MLANA: variants seen among roughly 807,000 people sequenced by gnomAD.
The protein encoded by MLANA is melan-A.
MLANA carries 21 observed loss-of-function variants against 15.7 expected under a neutral mutation model. That is an observed-to-expected ratio of 1.33 (90% CI 0.95 to 1.92). MLANA has a LOEUF of 1.92. Ranked by LOEUF, MLANA falls within the 40% of genes most tolerant of loss-of-function variation. MLANA has a pLI of 0.00. For missense variants in MLANA, 164 were observed against 143.8 expected, an observed-to-expected ratio of 1.14 and a Z score of -0.72; for synonymous variants, 56 against 51.5, an observed-to-expected ratio of 1.09 and a Z score of -0.37.
At chr9:5,904,775 T>C (rs1337562122) in intron 3 of MLANA, among the ~76,000 whole-genome samples, 8 of 146,846 alleles carry the variant, frequency 5.4e-5, no homozygotes, top group Admixed American at 5.4e-4. Flanking sequence ...CAGTTACACT[T>C]CTTTTTTTTT....
chr9:5,896,159 G>A (rs1055264931), intron 2 of MLANA, among the ~76,000 whole-genome samples: 1 of 152,158 alleles, frequency 6.6e-6, no homozygotes, highest in Non-Finnish European at 1.5e-5. Flanking sequence ...CCACTTGCTG[G>A]TTGTGCAGCC....
chr9:5,908,853 G>A lies in MLANA; in HGVS notation c.*145G>A, dbSNP rs947437786. The A allele has an allele frequency of 2.9e-6, 2 of 681,838 alleles. No homozygotes were observed. Among genetic ancestry groups the A allele is most frequent in the African/African-American group, 1.8e-5 (1 of 55,482 alleles). 42.2% of individuals were successfully genotyped at this position (681,838 alleles called of 1,614,324 possible). Reference sequence around the variant, plus strand: ...ATAATAAGTCAGTGTTAAAATTTTAGTAGGTCCGCTAGCAGTACTAATCAT... The same window carrying A: ...ATAATAAGTCAGTGTTAAAATTTTAATAGGTCCGCTAGCAGTACTAATCAT... On this transcript the variant is annotated 3_prime_UTR_variant, in exon 5 of 5. Transcript: ENST00000381477.
At chr9:5,906,583 G>A (rs1345159601) in intron 3 of MLANA, among the ~76,000 whole-genome samples, 2 of 152,140 alleles carry the variant, frequency 1.3e-5, no homozygotes, top group Non-Finnish European at 2.9e-5. Flanking sequence ...TCCTTTTGTA[G>A]ATTCACTCTT....
Position 5,908,664 on chromosome 9 carries a change from G to A in MLANA, c.313G>A (p.Glu105Lys), listed in dbSNP as rs1174481694. 1.2e-6 allele frequency: 2 copies of A among 1,614,054 alleles called. No individual in the cohort carries two copies. Among genetic ancestry groups the A allele is most frequent in the South Asian group, 2.2e-5 (2 of 91,072 alleles). ...PVVPNAPPAY[E>K]KLSAEQSPPP... ...GGTTCCCAATGCTCCACCTGCTTAT[G>A]AGAAACTCTCTGCAGAACAGTCACC... Residue 105 changes from glutamate to lysine, a missense_variant, in exon 5 of 5, where the codon GAG becomes AAG. By Grantham distance (56) the Glu-to-Lys change is moderately conservative. Coordinates refer to ENST00000381477, the MANE Select transcript of MLANA (RefSeq NM_005511.2).
chr9:5,904,030 G>T (rs146614541), intron 3 of MLANA, among the ~76,000 whole-genome samples: 1 of 152,136 alleles, frequency 6.6e-6, no homozygotes, highest in East Asian at 1.9e-4. Flanking sequence ...GCTAAGTTTT[G>T]TATTTTTAGC....
At chr9:5,897,890 C>G (rs534944680) in intron 3 of MLANA, among the ~76,000 whole-genome samples, 3 of 152,110 alleles carry the variant, frequency 2.0e-5, no homozygotes, top group Non-Finnish European at 4.4e-5. Context: ...TAACATAATA[C>G]GAGAGACTGT....
At chr9:5,903,185 C>CA (rs552759031) in intron 3 of MLANA, among the ~76,000 whole-genome samples, 107 of 152,244 alleles carry the variant, frequency 7.0e-4, no homozygotes, top group African/African-American at 2.5e-3. Context: ...AGTCTAAGTG[C>CA]AAACATGGTA....
At position 5,894,835 on chromosome 9, in the gene MLANA, C is replaced by G. The variant is rs1586920917; in HGVS notation, c.77+2284C>G. On this transcript the variant is annotated intron_variant, in intron 2 of 4. Transcript: ENST00000381477. The surrounding 1 kb of genome is among the most constrained non-coding windows in gnomAD (Gnocchi z 4.0). Reference sequence around the variant, plus strand: ...GAAGTGGCATTTGCAGAGTCCAGTCCCAGCATCACAGAGCAGAGCATAGAA... The same window carrying G: ...GAAGTGGCATTTGCAGAGTCCAGTCGCAGCATCACAGAGCAGAGCATAGAA... 1.3e-5 allele frequency among the ~76,000 whole-genome samples: 2 copies of G among 152,214 alleles called. No individual in the cohort carries two copies. Among genetic ancestry groups the G allele is most frequent in the South Asian group, 4.1e-4 (2 of 4,824 alleles).
At chr9:5,902,205 G>A (rs1832476192) in intron 3 of MLANA, among the ~76,000 whole-genome samples, 1 of 151,188 alleles carries the variant, frequency 6.6e-6, no homozygotes, top group Non-Finnish European at 1.5e-5. Flanking sequence ...CTCTTCAGAT[G>A]GTCTAGTTCT....
intron 3 of MLANA, 44 bp from the exon 4 acceptor site, chr9:5,906,841 G>T: frequency 1.6e-6 from 2 of 1,283,798 alleles, no homozygotes; most frequent in Non-Finnish European, 2.1e-6. Flanking sequence ...AATGGATTCA[G>T]TTACTTCTTC....
chr9:5,892,684 A>G (rs1007896897), intron 2 of MLANA, 133 bp downstream of exon 2: 1 of 676,978 alleles, frequency 1.5e-6, no homozygotes, highest in African/African-American at 1.8e-5. Flanking sequence ...ATCCCTGGCA[A>G]CAAGGGGAGG....
At chr9:5,891,641 A>T (rs894471014) in intron 1 of MLANA, among the ~76,000 whole-genome samples, 3 of 152,204 alleles carry the variant, frequency 2.0e-5, no homozygotes, top group African/African-American at 7.2e-5. Flanking sequence ...TTGGTTTTTA[A>T]TGAGCGTACT....
chr9:5,904,375 G>T (rs1217506722), intron 3 of MLANA, among the ~76,000 whole-genome samples: 1 of 151,498 alleles, frequency 6.6e-6, no homozygotes, highest in East Asian at 1.9e-4. Flanking sequence ...TCTGTTCTTT[G>T]TTTCTATTTT....
At chr9:5,906,365 A>G (rs1832815707) in intron 3 of MLANA, among the ~76,000 whole-genome samples, 7 of 151,794 alleles carry the variant, frequency 4.6e-5, no homozygotes, top group Admixed American at 4.6e-4. Flanking sequence ...AAAGAAAAAA[A>G]AAGTTTTTAT....
intron 1 of MLANA, 74 bp from the exon 2 acceptor site, chr9:5,892,376 T>C: frequency 9.4e-7 from 1 of 1,063,920 alleles, no homozygotes; most frequent in South Asian, 1.7e-5. Flanking sequence ...GAGGATGCTG[T>C]TGTGGGTCTT....
intron 3 of MLANA, among the ~76,000 whole-genome samples, chr9:5,900,858 A>C (rs1188221734): frequency 6.6e-6 from 1 of 152,238 alleles, no homozygotes; most frequent in African/African-American, 2.4e-5. Context: ...AGGACAAAAT[A>C]CTTTTGATTC....
rs1563809625 is a variant in MLANA at position 5,894,252 on chromosome 9, C to G, written c.77+1701C>G. 6.6e-6 allele frequency among the ~76,000 whole-genome samples: 1 copy of G among 151,976 alleles called. No individual in the cohort carries two copies. The highest frequency in any genetic ancestry group is 1.5e-5 in the Non-Finnish European group (1 of 67,978). On this transcript the variant is annotated intron_variant, in intron 2 of 4. Transcript: ENST00000381477. This position sits in a 1 kb window ranked among gnomAD's most constrained non-coding sequence, Gnocchi z 4.0. ...TGGGGAACCTCATAGCCAGGTGTAC[C>G]CACAACCTGAACAAGGTAACTTTCA...
chr9:5,894,650 C>T lies in MLANA; in HGVS notation c.77+2099C>T, dbSNP rs368815433. On this transcript the variant is annotated intron_variant, in intron 2 of 4. Transcript: ENST00000381477. This position sits in a 1 kb window ranked among gnomAD's most constrained non-coding sequence, Gnocchi z 4.0. The stretch of plus-strand genomic sequence containing the variant: ...ATAATGAAGCTGGCTCTGACAATGC[C>T]GGAAAACGAGCTGGTGCTTGGCATA... 2.0e-5 allele frequency among the ~76,000 whole-genome samples: 3 copies of T among 152,226 alleles called. No individual in the cohort carries two copies. The highest frequency in any genetic ancestry group is 4.4e-5 in the Non-Finnish European group (3 of 68,016).
intron 3 of MLANA, among the ~76,000 whole-genome samples, chr9:5,898,700 G>A (rs1282046241): frequency 6.6e-6 from 1 of 152,120 alleles, no homozygotes; most frequent in African/African-American, 2.4e-5. Context: ...GGGAATTCTT[G>A]CTGGTTCTGT....
Sources: gnomAD v4.1 joint callset for allele counts (sites outside exome capture counted in the v4.1 genomes callset) on GRCh38, gnomAD v4.1.1 for gene constraint, Gnocchi (gnomAD v3.1) non-coding constraint, MANE v1.5 for transcripts, NCBI Gene and HGNC (gene_info 2026-07-23, HGNC 2026-07-21) for gene names.